HDAC9: variants seen among roughly 807,000 people sequenced by gnomAD.
HDAC9 encodes the protein histone deacetylase 9.
A neutral mutation model predicts 139.4 loss-of-function variants in HDAC9; 41 were observed. That is an observed-to-expected ratio of 0.29 (90% confidence interval 0.23 to 0.38). The LOEUF is 0.38. HDAC9 is among the 10% of genes least tolerant of loss of function. HDAC9 has a pLI of 1.00. For synonymous variants in HDAC9, 517 were observed against 476.2 expected (o/e 1.09, Z -1.12); for missense variants, 1,147 against 1,297.0 (o/e 0.88, Z 1.78).
chr7:18,793,890 G>A (rs1792551923), intron 17 of HDAC9, among the ~76,000 whole-genome samples: 2 of 152,196 alleles, frequency 1.3e-5, no homozygotes, highest in Non-Finnish European at 2.9e-5. Context: ...GAAGGATTGG[G>A]AGGAGGAAGG....
chr7:18,658,899 CAAAAAA>C (rs11306117), intron 11 of HDAC9, among the ~76,000 whole-genome samples: 2 of 118,158 alleles, frequency 1.7e-5, no homozygotes, highest in African/African-American at 5.6e-5. Flanking sequence ...AAAAAAAAAG[CAAAAAA>C]AAAAAAAACA....
Position 18,496,005 on chromosome 7 carries a change from C to T in HDAC9, c.-60C>T. 7.1e-7 allele frequency: 1 copy of T among 1,411,042 alleles called. No individual in the cohort carries two copies. Among genetic ancestry groups the T allele is most frequent in the Non-Finnish European group, 9.2e-7 (1 of 1,086,258 alleles). 87.4% of individuals were successfully genotyped at this position (1,411,042 alleles called of 1,614,324 possible). On this transcript the variant is annotated 5_prime_UTR_variant, in exon 1 of 26. Transcript: ENST00000686413. ...AGAGAGCTATAGCATCCACTCTGTCCTTTCTGCTTTGCACACAGGTTGGTA... is the reference window on the plus strand; with the variant it reads ...AGAGAGCTATAGCATCCACTCTGTCTTTTCTGCTTTGCACACAGGTTGGTA...
chr7:18,994,214 G>C lies in HDAC9; in HGVS notation c.3171-1809G>C, dbSNP rs73308909. 3.1e-3 allele frequency among the ~76,000 whole-genome samples: 479 copies of C among 152,230 alleles called. 7 individuals are homozygous for C. Among genetic ancestry groups the C allele is most frequent in the African/African-American group, 0.011 (446 of 41,530 alleles). On this transcript the variant is annotated intron_variant, in intron 25 of 25. Coordinates refer to ENST00000686413, the MANE Select transcript of HDAC9 (RefSeq NM_178425.4). The stretch of plus-strand genomic sequence containing the variant: ...ACTGAATCCTGGATTCGGGGGAAAA[G>C]ATTATCCTGCTGCAGCTTGAGTTAG...
At chr7:18,657,074 T>G (rs1221865672) in intron 11 of HDAC9, among the ~76,000 whole-genome samples, 1 of 152,182 alleles carries the variant, frequency 6.6e-6, no homozygotes, top group Non-Finnish European at 1.5e-5. Context: ...GTTGGCCATT[T>G]GTATGTCTTT....
chr7:18,183,159 G>GCA (rs1789609930), intron 2 of HDAC9, among the ~76,000 whole-genome samples: 1 of 151,982 alleles, frequency 6.6e-6, no homozygotes, highest in Admixed American at 6.6e-5. Flanking sequence ...ACAGGTGCCT[G>GCA]CCACCACACC....
chr7:18,449,984 A>G (rs1792666170), intron 1 of HDAC9, among the ~76,000 whole-genome samples: 1 of 152,172 alleles, frequency 6.6e-6, no homozygotes, highest in South Asian at 2.1e-4. Flanking sequence ...AATATTTCCA[A>G]CTGAAATACG....
At chr7:18,658,897 A>AT (rs1792160267) in intron 11 of HDAC9, among the ~76,000 whole-genome samples, 1 of 127,068 alleles carries the variant, frequency 7.9e-6, no homozygotes. Flanking sequence ...AGAAAAAAAA[A>AT]GCAAAAAAAA....
intron 2 of HDAC9, among the ~76,000 whole-genome samples, chr7:18,241,552 CAA>C (rs1224132469): frequency 1.3e-5 from 2 of 152,024 alleles, no homozygotes; most frequent in African/African-American, 4.8e-5. Context: ...CACAATAAGA[CAA>C]GAGAATAAAA....
At chr7:18,483,852 A>C (rs1295845690) in intron 1 of HDAC9, among the ~76,000 whole-genome samples, 2 of 152,150 alleles carry the variant, frequency 1.3e-5, no homozygotes, top group Non-Finnish European at 2.9e-5. Context: ...GCACAGATTC[A>C]AAATTCAAAA....
intron 2 of HDAC9, among the ~76,000 whole-genome samples, chr7:18,254,302 A>G (rs925147725): frequency 9.9e-5 from 15 of 152,218 alleles, no homozygotes; most frequent in Non-Finnish European, 1.8e-4. Flanking sequence ...AGGAATCCTC[A>G]TTAAGTAGCC....
At chr7:18,477,892 A>G (rs1586177476) in intron 1 of HDAC9, among the ~76,000 whole-genome samples, 1 of 152,156 alleles carries the variant, frequency 6.6e-6, no homozygotes, top group East Asian at 1.9e-4. Flanking sequence ...CAATTCTAAT[A>G]GTTTTCATTT....
At chr7:18,357,617 A>G (rs905589779) in intron 1 of HDAC9, among the ~76,000 whole-genome samples, 2 of 151,710 alleles carry the variant, frequency 1.3e-5, no homozygotes, top group Admixed American at 1.3e-4. Flanking sequence ...AAGGTCAGTA[A>G]GTATATATAA....
At chr7:18,505,370 C>A (rs1799478099) in intron 2 of HDAC9, among the ~76,000 whole-genome samples, 1 of 152,122 alleles carries the variant, frequency 6.6e-6, no homozygotes, top group African/African-American at 2.4e-5. Context: ...TTGGCATTTA[C>A]CTTGAAATGT....
At chr7:18,769,888 G>T (rs1790141584) in intron 16 of HDAC9, among the ~76,000 whole-genome samples, 1 of 152,130 alleles carries the variant, frequency 6.6e-6, no homozygotes, top group African/African-American at 2.4e-5. Flanking sequence ...GCATGGTTCT[G>T]TCTCAAATTA....
chr7:18,978,286 C>G (rs183185576), intron 25 of HDAC9, among the ~76,000 whole-genome samples: 5 of 152,236 alleles, frequency 3.3e-5, no homozygotes, highest in African/African-American at 1.2e-4. Context: ...GGTAAAGCAG[C>G]TCTTTTCCTG....
At chr7:18,787,743 ATAAAT>A (rs2129175567) in intron 16 of HDAC9, among the ~76,000 whole-genome samples, 1 of 152,320 alleles carries the variant, frequency 6.6e-6, no homozygotes, top group East Asian at 1.9e-4. Context: ...ATTTGGCAAA[ATAAAT>A]TCCTGACCTT....
At chr7:18,713,642 A>T (rs999368398) in intron 12 of HDAC9, among the ~76,000 whole-genome samples, 1 of 152,112 alleles carries the variant, frequency 6.6e-6, no homozygotes, top group Non-Finnish European at 1.5e-5. Flanking sequence ...ATTTATTAAT[A>T]TAAAAATATT....
intron 25 of HDAC9, among the ~76,000 whole-genome samples, chr7:18,989,569 T>A (rs1785685522): frequency 1.3e-5 from 2 of 150,662 alleles, no homozygotes; most frequent in South Asian, 2.1e-4. Context: ...TTTGTGGCGT[T>A]CTCTGTATTT....
intron 1 of HDAC9, among the ~76,000 whole-genome samples, chr7:18,378,921 G>T (rs1033537717): frequency 8.6e-5 from 13 of 152,008 alleles, no homozygotes; most frequent in African/African-American, 3.1e-4. Flanking sequence ...ATCTAATGTT[G>T]TAATTGGTTA....
Sources: allele counts gnomAD v4.1 joint callset (sites outside exome capture counted in the v4.1 genomes callset), GRCh38; gene constraint gnomAD v4.1.1; transcripts MANE v1.5; gene names NCBI Gene and HGNC (gene_info 2026-07-23, HGNC 2026-07-21).